The following RAD18 variants were observed in gnomAD, a reference collection of about 807,000 sequenced individuals.
RAD18 encodes the protein RAD18 E3 ubiquitin protein ligase, also known as E3 ubiquitin-protein ligase RAD18.
A neutral mutation model predicts 60.4 loss-of-function variants in RAD18; 47 were observed. That is an observed-to-expected ratio of 0.78 (90% CI 0.62 to 0.99). RAD18 has a LOEUF of 0.99. RAD18 is among the 50% of genes least tolerant of loss of function. RAD18 has a pLI of 0.00. For synonymous variants in RAD18, 225 were observed against 195.5 expected (o/e 1.15, Z -1.26); for missense variants, 640 against 593.3 (o/e 1.08, Z -0.82).
chr3:8,920,877 T>C (rs1475565836), intron 7 of RAD18, among the ~76,000 whole-genome samples: 2 of 152,224 alleles, frequency 1.3e-5, no homozygotes, highest in African/African-American at 4.8e-5. Context: ...CTGGATCATG[T>C]ACTGCAGGAA....
At chr3:8,948,639 C>T (rs1040301526) in intron 2 of RAD18, 69 bp from the exon 3 acceptor site, 1 of 1,348,806 alleles carries the variant, frequency 7.4e-7, no homozygotes, top group Non-Finnish European at 1.0e-6. Context: ...TGACTTCTAA[C>T]AAAATCTTAA....
intron 11 of RAD18, among the ~76,000 whole-genome samples, chr3:8,895,637 CTTTTT>C (rs58646500): frequency 1.3e-5 from 2 of 151,650 alleles, no homozygotes; most frequent in Admixed American, 1.3e-4. Context: ...TACTTGCTCT[CTTTTT>C]TTTTTGTTTG....
intron 9 of RAD18, among the ~76,000 whole-genome samples, chr3:8,905,302 G>T (rs1018008260): frequency 3.3e-5 from 5 of 152,136 alleles, no homozygotes; most frequent in Non-Finnish European, 7.4e-5. Context: ...AAGTTTAAAT[G>T]TAATCTTTTT....
chr3:8,906,955 T>C (rs1400257243), intron 9 of RAD18, among the ~76,000 whole-genome samples: 1 of 152,232 alleles, frequency 6.6e-6, no homozygotes, highest in African/African-American at 2.4e-5. Context: ...CCCAAGGGCT[T>C]TGTTACTGAT....
chr3:8,941,643 C>T lies in RAD18; in HGVS notation c.428G>A (p.Gly143Asp), dbSNP rs1420735719. Reference sequence around the variant, plus strand: ...TTTTATCAACAACTCTGATGTAGAACCACTCATTTCTCTGATCAAGAAATT... The same window carrying T: ...TTTTATCAACAACTCTGATGTAGAATCACTCATTTCTCTGATCAAGAAATT... ...MDNFLIREMS[G>D]STSELLIKEN... The change falls in exon 5 of 13, where the codon GGT (glycine) becomes GAT (aspartate). Residue 143 changes from glycine (G) to aspartate (D), a missense_variant. Physicochemically the swap from Gly to Asp is moderately conservative, Grantham distance 94. Coordinates refer to ENST00000264926, the MANE Select transcript of RAD18 (RefSeq NM_020165.4). 1 of 1,614,074 alleles carries T rather than the reference C, an allele frequency of 6.2e-7. No homozygotes were observed.
intron 12 of RAD18, among the ~76,000 whole-genome samples, chr3:8,886,788 G>C (rs141774217): frequency 6.6e-6 from 1 of 152,300 alleles, no homozygotes; most frequent in East Asian, 1.9e-4. Flanking sequence ...AAAGGCCAGA[G>C]GCAAGGCGGT....
chr3:8,935,963 G>C lies in RAD18; in HGVS notation c.797C>G (p.Ser266Cys), dbSNP rs577660002. Reference protein sequence around the residue: ...LKKKLKEHGLSIQGNKQQLIK... With the variant: ...LKKKLKEHGLCIQGNKQQLIK... Reference sequence around the variant, plus strand: ...GAGCTGTTGTTTATTTCCTTGAATAGATAATCCATGCTCTTTTAGCTTTTT... The same window carrying C: ...GAGCTGTTGTTTATTTCCTTGAATACATAATCCATGCTCTTTTAGCTTTTT... Residue 266 changes from serine (S) to cysteine (C), a missense_variant, in exon 7 of 13, where the codon TCT becomes TGT. Ser to Cys is a moderately radical substitution (Grantham distance 112). Coordinates refer to ENST00000264926, the MANE Select transcript of RAD18 (RefSeq NM_020165.4). 5.0e-6 allele frequency: 8 copies of C among 1,610,688 alleles called. No homozygotes were observed. Among genetic ancestry groups the C allele is most frequent in the African/African-American group, 4.0e-5 (3 of 74,902 alleles).
chr3:8,916,324 C>G (rs960110377), intron 7 of RAD18, among the ~76,000 whole-genome samples: 1 of 152,108 alleles, frequency 6.6e-6, no homozygotes, highest in African/African-American at 2.4e-5. Context: ...TAACAGAGAA[C>G]CCTCCTTTTC....
At chr3:8,939,170 A>T (rs1297875563) in intron 6 of RAD18, among the ~76,000 whole-genome samples, 3 of 152,108 alleles carry the variant, frequency 2.0e-5, no homozygotes, top group African/African-American at 7.2e-5. Context: ...TGAGCATCCT[A>T]AAGATCAGAG....
At chr3:8,957,224 G>C (rs577368326) in intron 2 of RAD18, among the ~76,000 whole-genome samples, 1 of 152,066 alleles carries the variant, frequency 6.6e-6, no homozygotes, top group African/African-American at 2.4e-5. Flanking sequence ...CTGAAGACTC[G>C]GCATTGTTAA....
At chr3:8,893,936 C>T (rs1247293649) in intron 11 of RAD18, among the ~76,000 whole-genome samples, 2 of 152,080 alleles carry the variant, frequency 1.3e-5, no homozygotes, top group Admixed American at 6.5e-5. Context: ...GTGATCCTCC[C>T]GCCTTGCTTG....
At chr3:8,951,795 G>A (rs868473615) in intron 2 of RAD18, among the ~76,000 whole-genome samples, 2 of 152,144 alleles carry the variant, frequency 1.3e-5, no homozygotes, top group Admixed American at 1.3e-4. Flanking sequence ...CCACAGACTG[G>A]GCAGGTTAAA....
At chr3:8,925,231 C>T (rs528949319) in intron 7 of RAD18, among the ~76,000 whole-genome samples, 3 of 152,064 alleles carry the variant, frequency 2.0e-5, no homozygotes, top group Admixed American at 6.5e-5. Flanking sequence ...AAGGGGATAT[C>T]ACCACCGATC....
chr3:8,934,251 C>G (rs944015062), intron 7 of RAD18, among the ~76,000 whole-genome samples: 1 of 152,068 alleles, frequency 6.6e-6, no homozygotes, highest in Non-Finnish European at 1.5e-5. Flanking sequence ...AAGCACTGAT[C>G]AAAAGGAAAA....
chr3:8,922,581 C>A (rs201267194), intron 7 of RAD18, among the ~76,000 whole-genome samples: 2 of 152,230 alleles, frequency 1.3e-5, no homozygotes, highest in Admixed American at 6.5e-5. Context: ...GTTCTTCCAG[C>A]ATGCAGCTTT....
intron 7 of RAD18, among the ~76,000 whole-genome samples, chr3:8,922,134 C>G (rs1019448017): frequency 6.6e-6 from 1 of 152,176 alleles, no homozygotes; most frequent in Non-Finnish European, 1.5e-5. Flanking sequence ...TGAAGCAGGG[C>G]GAGGCATCGC....
chr3:8,931,846 T>A (rs1441026220), intron 7 of RAD18, among the ~76,000 whole-genome samples: 1 of 152,222 alleles, frequency 6.6e-6, no homozygotes, highest in African/African-American at 2.4e-5. Context: ...TCACATGCTA[T>A]ATACATGGCC....
At chr3:8,889,572 G>A (rs1287802374) in intron 12 of RAD18, among the ~76,000 whole-genome samples, 1 of 152,162 alleles carries the variant, frequency 6.6e-6, no homozygotes, top group Non-Finnish European at 1.5e-5. Flanking sequence ...GAGTAGGGGT[G>A]TAAACTAGAT....
intron 12 of RAD18, among the ~76,000 whole-genome samples, chr3:8,885,694 A>C (rs944892034): frequency 2.0e-5 from 3 of 152,220 alleles, no homozygotes; most frequent in Non-Finnish European, 4.4e-5. Context: ...GAATGTGTGG[A>C]CCAAACATAC....
Sources: allele counts gnomAD v4.1 joint callset (sites outside exome capture counted in the v4.1 genomes callset), GRCh38; gene constraint gnomAD v4.1.1; transcripts MANE v1.5; gene names NCBI Gene and HGNC (gene_info 2026-07-23, HGNC 2026-07-21).